The following KDM5A variants were observed in gnomAD, a reference collection of about 807,000 sequenced individuals.
The protein encoded by KDM5A is lysine-specific demethylase 5A.
Under a neutral mutation model 193.5 loss-of-function variants are expected in KDM5A, and 42 were observed. That is an observed-to-expected ratio of 0.22 (90% confidence interval 0.17 to 0.28). The LOEUF is 0.28. Among genes scored for constraint, KDM5A ranks in the 10% least tolerant of loss-of-function variants. The probability of loss-of-function intolerance (pLI) is 1.00; values close to 1 mark genes in which losing one functional copy is unlikely to be tolerated. For missense variants in KDM5A, 1,692 were observed against 2,055.1 expected (o/e 0.82, Z 3.42); for synonymous variants, 796 against 718.1 (o/e 1.11, Z -1.73).
At chr12:324,886 A>G (rs1943763591) in intron 14 of KDM5A, among the ~76,000 whole-genome samples, 1 of 152,116 alleles carries the variant, frequency 6.6e-6, no homozygotes, top group African/African-American at 2.4e-5. Flanking sequence ...AAGAAAAAAA[A>G]AAAAAGAATG....
At chr12:315,717 A>C (rs1943643836) in intron 19 of KDM5A, among the ~76,000 whole-genome samples, 2 of 152,214 alleles carry the variant, frequency 1.3e-5, no homozygotes, top group Non-Finnish European at 2.9e-5. Flanking sequence ...GAAGAAGGGA[A>C]GAGTCAAAGC....
chr12:323,513 G>C, intron 15 of KDM5A, 87 bp downstream of exon 15: 1 of 1,300,986 alleles, frequency 7.7e-7, no homozygotes, highest in Non-Finnish European at 1.1e-6. Context: ...CAGAGTAAAG[G>C]AGTAAAGTAA....
At chr12:328,766 T>TA in intron 14 of KDM5A, 69 bp downstream of exon 14, 1 of 1,417,766 alleles carries the variant, frequency 7.1e-7, no homozygotes, top group Non-Finnish European at 9.9e-7. Context: ...ATGAAAATTC[T>TA]ACCTATAGGT....
At chr12:370,876 T>C (rs1412791556) in intron 3 of KDM5A, among the ~76,000 whole-genome samples, 4 of 152,242 alleles carry the variant, frequency 2.6e-5, no homozygotes, top group African/African-American at 9.6e-5. Context: ...TTTGGTTTTC[T>C]GTTCTTGTGA....
intron 1 of KDM5A, 56 bp downstream of exon 1, chr12:388,871 G>A: frequency 6.4e-7 from 1 of 1,567,226 alleles, no homozygotes; most frequent in Non-Finnish European, 8.8e-7. Context: ...GCTAAACCCA[G>A]TGTACGGACT....
chr12:313,251 T>C, intron 19 of KDM5A, 57 bp from the exon 20 acceptor site: 1 of 1,585,880 alleles, frequency 6.3e-7, no homozygotes, highest in South Asian at 1.1e-5. Flanking sequence ...TTAAGTAACA[T>C]TTCAGAATGT....
At chr12:379,982 A>G (rs536919308) in intron 3 of KDM5A, among the ~76,000 whole-genome samples, 3 of 152,228 alleles carry the variant, frequency 2.0e-5, no homozygotes, top group South Asian at 2.1e-4. Flanking sequence ...AAACCAGAAA[A>G]GTGCAGCCGG....
intron 3 of KDM5A, among the ~76,000 whole-genome samples, chr12:379,947 T>C (rs118139499): frequency 0.028 from 4,188 of 152,272 alleles, 92 homozygotes; most frequent in Middle Eastern, 0.058. Context: ...GCCCCTTCCC[T>C]ATTTTGAAAT....
intron 24 of KDM5A, among the ~76,000 whole-genome samples, chr12:298,335 C>T (rs556372760): frequency 1.3e-5 from 2 of 152,214 alleles, no homozygotes; most frequent in Non-Finnish European, 2.9e-5. Flanking sequence ...TGGGATGAAG[C>T]TTCCAGAGGA....
intron 13 of KDM5A, among the ~76,000 whole-genome samples, chr12:330,097 A>ATC (rs2137420759): frequency 8.6e-6 from 1 of 116,756 alleles, no homozygotes; most frequent in South Asian, 2.6e-4. Flanking sequence ...ATATATATAT[A>ATC]TCTTATGATT....
chr12:386,878 T>C (rs921993519), intron 1 of KDM5A, among the ~76,000 whole-genome samples: 3 of 151,894 alleles, frequency 2.0e-5, no homozygotes, highest in Non-Finnish European at 4.4e-5. Flanking sequence ...CACAAAACAG[T>C]ATCTAGTAAA....
chr12:343,153 A>G (rs1049061259), intron 10 of KDM5A, among the ~76,000 whole-genome samples: 1 of 152,194 alleles, frequency 6.6e-6, no homozygotes, highest in African/African-American at 2.4e-5. Context: ...TCCCACACCC[A>G]CAGAGCCTTG....
In KDM5A at chr12:344,670, C is replaced by T. The variant is rs1048950901; in HGVS notation, c.1308+5951G>A. Among the ~76,000 whole-genome samples, 28 of 152,056 alleles carry T rather than the reference C, an allele frequency of 1.8e-4. No homozygotes were observed. In the South Asian group the frequency reaches 5.0e-3, roughly 27 times the overall value. On this transcript the variant is annotated intron_variant, in intron 10 of 27. Coordinates refer to ENST00000399788, the MANE Select transcript of KDM5A (RefSeq NM_001042603.3). ...AATTTCATAGCCAGCCAAACTAAGC[C>T]TCATAAGTGAAGGAGAAATAAAATC...
intron 10 of KDM5A, among the ~76,000 whole-genome samples, chr12:341,925 A>G (rs1189748963): frequency 1.5e-5 from 2 of 136,752 alleles, no homozygotes; most frequent in Non-Finnish European, 3.2e-5. Context: ...GAGAGAGAGA[A>G]ATGGGGGGAA....
chr12:336,794 C>G (rs1943939955), intron 10 of KDM5A, among the ~76,000 whole-genome samples: 1 of 150,068 alleles, frequency 6.7e-6, no homozygotes, highest in African/African-American at 2.5e-5. Flanking sequence ...AAGATTGCAT[C>G]ACTGCACTCC....
At chr12:339,368 C>T (rs1274875077) in intron 10 of KDM5A, among the ~76,000 whole-genome samples, 1 of 152,036 alleles carries the variant, frequency 6.6e-6, no homozygotes, top group Non-Finnish European at 1.5e-5. Context: ...ATTTCATACA[C>T]TTTGTCTAAT....
chr12:333,767 C>T, intron 11 of KDM5A, 118 bp from the exon 12 acceptor site: 1 of 981,840 alleles, frequency 1.0e-6, no homozygotes, highest in Non-Finnish European at 1.6e-6. Flanking sequence ...AGATTATATG[C>T]CCTGAATTCT....
Position 323,173 on chromosome 12 carries a change from C to T in KDM5A, c.2184G>A (p.Leu728=), listed in dbSNP as rs1484890251. The change falls in exon 16 of 28, where the codon CTG becomes CTA. Residue 728 remains leucine (L), a synonymous_variant. Coordinates refer to ENST00000399788, the MANE Select transcript of KDM5A (RefSeq NM_001042603.3). ...YRYPLEDLPS[L]LYGVKVRAQS... ...GTGCCCTGACTTTTACACCATATAG[C>T]AGAGAAGGGAGGTCTTCTAATGGGT... 7.8e-7 allele frequency: 1 copy of T among 1,289,436 alleles called. No individual in the cohort carries two copies. Among genetic ancestry groups the T allele is most frequent in the Non-Finnish European group, 1.0e-6 (1 of 968,174 alleles). 79.9% of individuals were successfully genotyped at this position (1,289,436 alleles called of 1,614,324 possible).
chr12:388,933 C>T lies in KDM5A; in HGVS notation c.159G>A (p.Pro53=), dbSNP rs376026395. ...TCTTCACAGACTGAGGTACCTTGGGCGGCCGAATTTTGCAGATGCCGGTTT... is the reference window on the plus strand; with the variant it reads ...TCTTCACAGACTGAGGTACCTTGGGTGGCCGAATTTTGCAGATGCCGGTTT... ...AEKTGICKIR[P]PKDWQPPFAC... is the part of the protein sequence containing the mutation. The change falls in exon 1 of 28, where the codon CCG becomes CCA. Residue 53 remains proline (P), a synonymous_variant. Transcript: ENST00000399788. 1.7e-5 allele frequency: 27 copies of T among 1,614,112 alleles called. No individual in the cohort carries two copies. In the African/African-American group the frequency reaches 3.1e-4, roughly 18 times the overall value.
Sources: gnomAD v4.1 joint callset for allele counts (sites outside exome capture counted in the v4.1 genomes callset) on GRCh38, gnomAD v4.1.1 for gene constraint, MANE v1.5 for transcripts, NCBI Gene and HGNC (gene_info 2026-07-23, HGNC 2026-07-21) for gene names.